SLC4A8: variants seen among roughly 807,000 people sequenced by gnomAD.
The protein encoded by SLC4A8 is electroneutral sodium bicarbonate exchanger 1.
A neutral mutation model predicts 125.0 loss-of-function variants in SLC4A8; 40 were observed. The ratio of observed to expected loss-of-function variants is 0.32; its 90% CI spans 0.25 to 0.42. SLC4A8 has a LOEUF of 0.42. Among genes scored for constraint, SLC4A8 ranks in the 10% least tolerant of loss-of-function variants. The pLI, the probability that SLC4A8 is intolerant of heterozygous loss-of-function variation, is 1.00. For synonymous variants in SLC4A8, 456 were observed against 476.0 expected, an observed-to-expected ratio of 0.96 and a Z score of 0.55; for missense variants, 863 against 1,355.1, an observed-to-expected ratio of 0.64 and a Z score of 5.70.
At chr12:51,483,108 G>A (rs1305778738) in intron 16 of SLC4A8, among the ~76,000 whole-genome samples, 1 of 152,286 alleles carries the variant, frequency 6.6e-6, no homozygotes, top group East Asian at 1.9e-4. Context: ...TACCACACAA[G>A]TCTTGCTTCC....
chr12:51,434,363 GTTTACA>G (rs921144063), intron 1 of SLC4A8, among the ~76,000 whole-genome samples: 1 of 152,026 alleles, frequency 6.6e-6, no homozygotes, highest in African/African-American at 2.4e-5. Context: ...TCATTTAGTT[GTTTACA>G]TTTATGTGAG....
upstream of SLC4A8, chr12:51,420,137 G>A (rs1948755325): frequency 6.6e-6 from 1 of 152,262 alleles, no homozygotes. Context: ...ACGACAGCAC[G>A]AACAAGCCCT....
chr12:51,446,034 T>G (rs1196974248), intron 2 of SLC4A8, among the ~76,000 whole-genome samples: 5 of 152,208 alleles, frequency 3.3e-5, no homozygotes, highest in African/African-American at 1.2e-4. Context: ...CATAATGAGT[T>G]AACAAATTGT....
chr12:51,442,617 G>A (rs535733685), intron 2 of SLC4A8, among the ~76,000 whole-genome samples: 13 of 152,310 alleles, frequency 8.5e-5, no homozygotes, highest in African/African-American at 3.1e-4. Context: ...AGTGCATAGT[G>A]TGTTGGGAGA....
At chr12:51,493,601 T>C in intron 19 of SLC4A8, 103 bp from the exon 20 acceptor site, 1 of 783,946 alleles carries the variant, frequency 1.3e-6, no homozygotes, top group South Asian at 1.6e-5. Flanking sequence ...TGCAGCTATT[T>C]TGTGACTTTG....
intron 1 of SLC4A8, 103 bp downstream of exon 1, chr12:51,425,138 CCG>C (rs1328444897): frequency 2.0e-6 from 3 of 1,468,748 alleles, no homozygotes; most frequent in Non-Finnish European, 2.7e-6. Flanking sequence ...GCTTCCCAGG[CCG>C]CTCCCTGAGG....
intron 1 of SLC4A8, among the ~76,000 whole-genome samples, chr12:51,428,622 C>T (rs528547659): frequency 5.3e-5 from 8 of 152,306 alleles, no homozygotes; most frequent in African/African-American, 1.4e-4. Context: ...CTATTATATT[C>T]GTCACTCACT....
chr12:51,431,294 A>C (rs1949177482), intron 1 of SLC4A8, among the ~76,000 whole-genome samples: 1 of 152,216 alleles, frequency 6.6e-6, no homozygotes, highest in Admixed American at 6.5e-5. Context: ...AGATCAGCTG[A>C]TTAGCAACCT....
At chr12:51,446,322 C>T (rs1245532431) in intron 2 of SLC4A8, among the ~76,000 whole-genome samples, 1 of 152,216 alleles carries the variant, frequency 6.6e-6, no homozygotes, top group Non-Finnish European at 1.5e-5. Context: ...CCTCCTGCCT[C>T]TTAACATTCT....
At chr12:51,447,854 C>T (rs1592200022) in intron 2 of SLC4A8, among the ~76,000 whole-genome samples, 4 of 151,840 alleles carry the variant, frequency 2.6e-5, no homozygotes, top group Admixed American at 2.6e-4. Context: ...GTAGCTGGGA[C>T]TACAGGCACC....
chr12:51,444,444 G>A (rs1347199062), intron 2 of SLC4A8, among the ~76,000 whole-genome samples: 1 of 152,102 alleles, frequency 6.6e-6, no homozygotes, highest in Non-Finnish European at 1.5e-5. Context: ...GACAGGCATT[G>A]CGATTGGCTA....
intron 1 of SLC4A8, among the ~76,000 whole-genome samples, chr12:51,434,116 C>G (rs1224678636): frequency 6.6e-6 from 1 of 152,036 alleles, no homozygotes; most frequent in Non-Finnish European, 1.5e-5. Flanking sequence ...CTCAAACGAT[C>G]CTCCCACCTC....
At chr12:51,432,830 T>G (rs1008371387) in intron 1 of SLC4A8, among the ~76,000 whole-genome samples, 2 of 151,666 alleles carry the variant, frequency 1.3e-5, no homozygotes, top group African/African-American at 4.9e-5. Flanking sequence ...TTGGGGGGGG[T>G]CTTGGCAGGG....
chr12:51,457,150 T>C (rs1950173852), intron 5 of SLC4A8, among the ~76,000 whole-genome samples: 1 of 152,226 alleles, frequency 6.6e-6, no homozygotes, highest in Non-Finnish European at 1.5e-5. Flanking sequence ...AAGAATAATT[T>C]GTTACATGAA....
At chr12:51,407,083 T>A (rs567746413) in intron 1 of SLC4A8, among the ~76,000 whole-genome samples, 2 of 152,274 alleles carry the variant, frequency 1.3e-5, no homozygotes, top group South Asian at 2.1e-4. Context: ...AGGTTTGGTG[T>A]CTGGTGAGGG....
chr12:51,441,063 G>C (rs1207717375), intron 2 of SLC4A8: 1 of 1,104,844 alleles, frequency 9.1e-7, no homozygotes, highest in Non-Finnish European at 1.1e-6. Flanking sequence ...CAAGTAACCT[G>C]TTCTTTGAGA....
At chr12:51,432,153 A>C (rs1414042411) in intron 1 of SLC4A8, among the ~76,000 whole-genome samples, 1 of 152,318 alleles carries the variant, frequency 6.6e-6, no homozygotes, top group East Asian at 1.9e-4. Flanking sequence ...TCACGCCTGT[A>C]ATCCCAGCAC....
intron 16 of SLC4A8, among the ~76,000 whole-genome samples, chr12:51,483,278 A>G (rs1209127874): frequency 6.6e-6 from 1 of 151,868 alleles, no homozygotes; most frequent in African/African-American, 2.4e-5. Context: ...TGGGGGGAGA[A>G]TATTTGCCTG....
At chr12:51,416,516 G>A (rs935605080) in intron 1 of SLC4A8, among the ~76,000 whole-genome samples, 1 of 151,984 alleles carries the variant, frequency 6.6e-6, no homozygotes, top group African/African-American at 2.4e-5. Context: ...GGTGGCGTAC[G>A]CTTGTAATTT....
Sources: gnomAD v4.1 joint callset for allele counts (sites outside exome capture counted in the v4.1 genomes callset) on GRCh38, gnomAD v4.1.1 for gene constraint, MANE v1.5 for transcripts, NCBI Gene and HGNC (gene_info 2026-07-23, HGNC 2026-07-21) for gene names.